Variants in PLK3 observed in about 807,000 individuals in gnomAD.
The protein encoded by PLK3 is serine/threonine-protein kinase PLK3.
Under a neutral mutation model 71.6 loss-of-function variants are expected in PLK3, and 41 were observed. The ratio of observed to expected loss-of-function variants is 0.57; its 90% CI spans 0.45 to 0.74. PLK3 has a LOEUF of 0.74. Among genes scored for constraint, PLK3 ranks in the 30% least tolerant of loss-of-function variants. The probability of loss-of-function intolerance (pLI) is 0.00; values close to 1 mark genes in which losing one functional copy is unlikely to be tolerated. For missense variants in PLK3, 791 were observed against 875.6 expected (o/e 0.90, Z 1.22); for synonymous variants, 366 against 355.4 (o/e 1.03, Z -0.33).
chr1:44,800,416 G>A lies in PLK3; in HGVS notation c.-48G>A. 3.2e-6 allele frequency: 4 copies of A among 1,268,936 alleles called. No individual in the cohort carries two copies. Among genetic ancestry groups the A allele is most frequent in the Non-Finnish European group, 4.0e-6 (4 of 1,010,306 alleles). 78.6% of individuals were successfully genotyped at this position (1,268,936 alleles called of 1,614,324 possible). A position where few individuals can be genotyped will look rare whatever the true frequency, so the allele number is the denominator to read the frequency against. On this transcript the variant is annotated 5_prime_UTR_variant, in exon 1 of 15. Coordinates refer to ENST00000372201, the MANE Select transcript of PLK3 (RefSeq NM_004073.4). The surrounding 1 kb of genome is among the most constrained non-coding windows in gnomAD (Gnocchi z 6.5). ...CCAGGCAGCGCCACGCGCGGCCGGG[G>A]CCGGGCGGAACCGAGAAGCCGGGAC... is the stretch of plus-strand genomic sequence containing the variant.
rs1651833513 is a variant in PLK3 at position 44,801,648 on chromosome 1, G to A, written c.462G>A (p.Arg154=). 6.2e-7 allele frequency: 1 copy of A among 1,613,660 alleles called. No individual in the cohort carries two copies. The highest frequency in any genetic ancestry group is 8.5e-7 in the Non-Finnish European group (1 of 1,179,892). Residue 154 remains arginine (R), a synonymous_variant, in exon 4 of 15, where the codon CGG becomes CGA. Transcript: ENST00000372201. The stretch of plus-strand genomic sequence containing the variant: ...CCCTGGCCCACATCTGGAAGGCCCG[G>A]CACACCCTGTTGGAGCCAGAAGTGC... ...RKSLAHIWKA[R]HTLLEPEVRY... is the part of the protein sequence containing the mutation.
In PLK3 at chr1:44,803,352, G is replaced by A; in HGVS notation, c.1033G>A (p.Ala345Thr). The change falls in exon 8 of 15, where the codon GCC (alanine) becomes ACC (threonine). Residue 345 changes from alanine to threonine, a missense_variant. Coordinates refer to ENST00000372201, the MANE Select transcript of PLK3 (RefSeq NM_004073.4). This position sits in a 1 kb window ranked among gnomAD's most constrained non-coding sequence, Gnocchi z 4.3. ...TPPNPARSLF[A>T]KVTKSLFGRK... ...CCCCAACCCAGCTAGGAGTCTGTTT[G>A]CCAAAGTTACCAAGAGCCTCTTTGG... is the stretch of plus-strand genomic sequence containing the variant. 1 of 1,614,132 alleles carries A rather than the reference G, an allele frequency of 6.2e-7. No homozygotes were observed. The highest frequency in any genetic ancestry group is 8.5e-7 in the Non-Finnish European group (1 of 1,180,016).
At position 44,804,414 on chromosome 1, in the gene PLK3, A is replaced by C. The variant is rs769621537; in HGVS notation, c.1418A>C (p.Lys473Thr). Residue 473 changes from lysine (K) to threonine (T), a missense_variant, in exon 12 of 15, where the codon AAG becomes ACG. Transcript: ENST00000372201. ...WVSKWVDYSN[K>T]FGFGYQLSSR... Reference sequence around the variant, plus strand: ...AGCAAGTGGGTTGACTACTCCAATAAGTTCGGCTTTGGGTATCAACTGTCC... The same window carrying C: ...AGCAAGTGGGTTGACTACTCCAATACGTTCGGCTTTGGGTATCAACTGTCC... 1.9e-6 allele frequency: 3 copies of C among 1,614,170 alleles called. No individual in the cohort carries two copies. The Admixed American group carries it at 5.0e-5, about 27-fold the overall frequency.
At position 44,803,987 on chromosome 1, in the gene PLK3, C is replaced by T. The variant is rs752424714; in HGVS notation, c.1221C>T (p.Asp407=). The change falls in exon 10 of 15, where the codon GAC becomes GAT. Residue 407 remains aspartate (D), a synonymous_variant. Transcript: ENST00000372201. This position sits in a 1 kb window ranked among gnomAD's most constrained non-coding sequence, Gnocchi z 4.3. ...PVSLVETAPE[D]SSPRGTLASS... is the part of the protein sequence containing the mutation. The stretch of plus-strand genomic sequence containing the variant: ...GCCTGGTAGAGACAGCACCTGAAGA[C>T]AGCTCACCCCGTGGGACACTGGCAA... 6.4e-7 allele frequency: 1 copy of T among 1,553,680 alleles called. No homozygotes were observed. Among genetic ancestry groups the T allele is most frequent in the Non-Finnish European group, 8.7e-7 (1 of 1,147,596 alleles).
rs1380332595 is a variant in PLK3, at chr1:44,804,242, C to T, written c.1338C>T (p.Pro446=). The T allele has an allele frequency of 1.2e-6, 2 of 1,613,724 alleles. No homozygotes were observed. Among genetic ancestry groups the T allele is most frequent in the South Asian group, 2.2e-5 (2 of 91,072 alleles). The change falls in exon 11 of 15, where the codon CCC becomes CCT. Residue 446 remains proline, a synonymous_variant. Coordinates refer to ENST00000372201, the MANE Select transcript of PLK3 (RefSeq NM_004073.4). The part of the protein sequence containing the change: ...CALRNCIAFM[P]PAEQNPAPLA... ...TGAGAAATTGTATAGCCTTCATGCCCCCAGGTAAGGGTGGGGTCTGGTACA... is the reference window on the plus strand; with the variant it reads ...TGAGAAATTGTATAGCCTTCATGCCTCCAGGTAAGGGTGGGGTCTGGTACA...
At position 44,800,789 on chromosome 1, in the gene PLK3, G is replaced by T. The variant is rs756870133; in HGVS notation, c.211-51G>T. 54 of 1,566,076 alleles carry T rather than the reference G, an allele frequency of 3.4e-5. No homozygotes were observed. Among genetic ancestry groups the T allele is most frequent in the Non-Finnish European group, 4.4e-5 (51 of 1,155,948 alleles). ...GACCCCCAACGCGGGGACGCCCGCGGGCCAGACTCGGCCCCCCTGGAACAA... is the reference window on the plus strand; with the variant it reads ...GACCCCCAACGCGGGGACGCCCGCGTGCCAGACTCGGCCCCCCTGGAACAA... On this transcript the variant is annotated intron_variant, in intron 1 of 14. Coordinates refer to ENST00000372201, the MANE Select transcript of PLK3 (RefSeq NM_004073.4). This position sits in a 1 kb window ranked among gnomAD's most constrained non-coding sequence, Gnocchi z 6.5.
Position 44,804,067 on chromosome 1 carries a change from G to C in PLK3, c.1258+43G>C, listed in dbSNP as rs749438441. The C allele has an allele frequency of 2.6e-5, 40 of 1,546,106 alleles. No homozygotes were observed. The South Asian group carries it at 4.5e-4, about 18-fold the overall frequency. ...ATGAGAGGTGATAGAGGTTGCTGGA[G>C]CTGAGATCAGGGGCGAGAGGGAAGG... On this transcript the variant is annotated intron_variant, in intron 10 of 14. Transcript: ENST00000372201.
At position 44,800,899 on chromosome 1, in the gene PLK3, CAA is replaced by C; in HGVS notation, c.272_273del (p.Lys91SerfsTer19). 1 of 1,612,324 alleles carries C rather than the reference CAA, an allele frequency of 6.2e-7. No homozygotes were observed. The highest frequency in any genetic ancestry group is 8.5e-7 in the Non-Finnish European group (1 of 1,179,916). ...DTETGSAYAV[K>X]VIPQSRVAKP... ...CAGAGACTGGCAGCGCCTACGCTGT[CAA>C]AGTCATCCCGCAGAGCCGCGTCGCC... On this transcript the variant is annotated frameshift_variant, in exon 2 of 15. Transcript: ENST00000372201. LOFTEE classifies it high-confidence loss of function. This position sits in a 1 kb window ranked among gnomAD's most constrained non-coding sequence, Gnocchi z 6.5.
chr1:44,803,418 G>C lies in PLK3; in HGVS notation c.1072+27G>C. ...TGAGTCTGGGGTGTCAGTGGGTTGA[G>C]GGGGCAGAGCAGTAGAGCGGCTTGT... On this transcript the variant is annotated intron_variant, in intron 8 of 14. Transcript: ENST00000372201. This position sits in a 1 kb window ranked among gnomAD's most constrained non-coding sequence, Gnocchi z 4.3. 6.2e-7 allele frequency: 1 copy of C among 1,613,698 alleles called. No individual in the cohort carries two copies.
Position 44,803,623 on chromosome 1 carries a change from G to C in PLK3, c.1096G>C (p.Asp366His), listed in dbSNP as rs1339669293. Residue 366 changes from aspartate (D) to histidine (H), a missense_variant, in exon 9 of 15, where the codon GAT becomes CAT. Coordinates refer to ENST00000372201, the MANE Select transcript of PLK3 (RefSeq NM_004073.4). The surrounding 1 kb of genome is among the most constrained non-coding windows in gnomAD (Gnocchi z 4.3). ...KKSKNHAQER[D>H]EVSGLVSGLM... ...AGGTAAGAATCATGCCCAGGAGAGGGATGAGGTCTCCGGTTTGGTGAGCGG... is the reference window on the plus strand; with the variant it reads ...AGGTAAGAATCATGCCCAGGAGAGGCATGAGGTCTCCGGTTTGGTGAGCGG... The C allele has an allele frequency of 2.5e-6, 4 of 1,613,862 alleles. No homozygotes were observed. Among genetic ancestry groups the C allele is most frequent in the East Asian group, 2.2e-5 (1 of 44,886 alleles).
rs374476487 is a variant in PLK3, at chr1:44,800,664, G to C, written c.201G>C (p.Leu67Phe). Reference protein sequence around the residue: ...RSGRTYLKGRLLGKGGFARCY... With the variant: ...RSGRTYLKGRFLGKGGFARCY... ...GCCGCACCTACCTCAAAGGCCGCTT[G>C]TTGGGCAAGGTGGGCCGAGGGACGT... The change falls in exon 1 of 15, where the codon TTG becomes TTC. Residue 67 changes from leucine (L) to phenylalanine (F), a missense_variant. Transcript: ENST00000372201. The surrounding 1 kb of genome is among the most constrained non-coding windows in gnomAD (Gnocchi z 6.5). 7 of 1,552,004 alleles carry C rather than the reference G, an allele frequency of 4.5e-6. No individual in the cohort carries two copies. The highest frequency in any genetic ancestry group is 5.2e-6 in the Non-Finnish European group (6 of 1,153,172).
chr1:44,803,845 TG>T lies in PLK3; in HGVS notation c.1165-83del. 1 of 1,201,666 alleles carries T rather than the reference TG, an allele frequency of 8.3e-7. No individual in the cohort carries two copies. Among genetic ancestry groups the T allele is most frequent in the Non-Finnish European group, 1.2e-6 (1 of 834,442 alleles). 74.4% of individuals were successfully genotyped at this position (1,201,666 alleles called of 1,614,324 possible). A position where few individuals can be genotyped will look rare whatever the true frequency, so the allele number is the denominator to read the frequency against. The stretch of plus-strand genomic sequence containing the variant: ...CTGGCGGGGCTGACCTGGGGTGCCC[TG>T]GGAGCCAGGGCAGGGCCAGGCCATG... On this transcript the variant is annotated intron_variant, in intron 9 of 14. Coordinates refer to ENST00000372201, the MANE Select transcript of PLK3 (RefSeq NM_004073.4). The surrounding 1 kb of genome is among the most constrained non-coding windows in gnomAD (Gnocchi z 4.3).
At position 44,801,018 on chromosome 1, in the gene PLK3, T is replaced by C. The variant is rs530732411; in HGVS notation, c.319-18T>C. 3.6e-5 allele frequency: 58 copies of C among 1,608,224 alleles called. 1 individual carries two copies. Among genetic ancestry groups the C allele is most frequent in the Admixed American group, 2.3e-4 (14 of 59,956 alleles). On this transcript the variant is annotated intron_variant, in intron 2 of 14. Coordinates refer to ENST00000372201, the MANE Select transcript of PLK3 (RefSeq NM_004073.4). Reference sequence around the variant, plus strand: ...ATGGGAACCATGGAAGGATGACGACTCCGCGCCCTCATCGCAGATCCTAAA... The same window carrying C: ...ATGGGAACCATGGAAGGATGACGACCCCGCGCCCTCATCGCAGATCCTAAA...
At chr1:44,801,188 G>C in intron 3 of PLK3, 36 bp downstream of exon 3, 1 of 1,023,816 alleles carries the variant, frequency 9.8e-7, no homozygotes, top group Admixed American at 2.0e-5. Context: ...ATGAGAGTGA[G>C]GGAGAGAAGA....
rs1233891862 is a variant in PLK3 at position 44,803,369 on chromosome 1, C to G, written c.1050C>G (p.Ser350Arg). The G allele has an allele frequency of 6.2e-7, 1 of 1,614,066 alleles. No individual in the cohort carries two copies. The highest frequency in any genetic ancestry group is 1.7e-5 in the Admixed American group (1 of 60,014). ...ARSLFAKVTK[S>R]LFGRKKKSKN... ...GTCTGTTTGCCAAAGTTACCAAGAG[C>G]CTCTTTGGCAGAAAGAAGAAGAGTG... The change falls in exon 8 of 15, where the codon AGC (serine) becomes AGG (arginine). Residue 350 changes from serine to arginine, a missense_variant. Ser to Arg is a moderately radical substitution (Grantham distance 110). Transcript: ENST00000372201. This position sits in a 1 kb window ranked among gnomAD's most constrained non-coding sequence, Gnocchi z 4.3.
intron 5 of PLK3, 73 bp downstream of exon 5, chr1:44,802,005 G>A: frequency 8.9e-7 from 1 of 1,129,606 alleles, no homozygotes; most frequent in Non-Finnish European, 1.3e-6. Context: ...ATGTATGTGG[G>A]AGGCAAGGTG....
Position 44,803,948 on chromosome 1 carries a change from C to T in PLK3, c.1182C>T (p.Gly394=), listed in dbSNP as rs1458406627. The T allele has an allele frequency of 6.4e-7, 1 of 1,551,154 alleles. No individual in the cohort carries two copies. The highest frequency in any genetic ancestry group is 2.0e-5 in the Admixed American group (1 of 51,022). ...DARPEAPAAS[G]PAPVSLVETA... ...CCCTCCAGGCTCCAGCAGCTTCTGG[C>T]CCAGCCCCTGTCAGCCTGGTAGAGA... Residue 394 remains glycine, a synonymous_variant, in exon 10 of 15, where the codon GGC becomes GGT. Transcript: ENST00000372201. This position sits in a 1 kb window ranked among gnomAD's most constrained non-coding sequence, Gnocchi z 4.3.
In PLK3 at chr1:44,805,961, C is replaced by T; in HGVS notation, c.*283C>T. The T allele has an allele frequency of 6.6e-7, 1 of 1,512,442 alleles. No individual in the cohort carries two copies. The highest frequency in any genetic ancestry group is 8.8e-7 in the Non-Finnish European group (1 of 1,130,324). The allele number at this position is 1,512,442 out of a possible 1,614,324, so 93.7% of individuals were successfully genotyped here. On this transcript the variant is annotated 3_prime_UTR_variant, in exon 15 of 15. Coordinates refer to ENST00000372201, the MANE Select transcript of PLK3 (RefSeq NM_004073.4). ...TGGGATGTGAGCCCCAGGGGGGCCT[C>T]CTCCTAGGATAATAAACAATTTTGC...
intron 3 of PLK3, 51 bp downstream of exon 3, chr1:44,801,203 C>CTTTTTTTTTT (rs34463102): frequency 8.7e-6 from 3 of 345,224 alleles, no homozygotes; most frequent in African/African-American, 7.2e-5. Flanking sequence ...AGAAGACAGT[C>CTTTTTTTTTT]TTTTTTTTTT....
Sources: allele counts gnomAD v4.1 joint callset, GRCh38; gene constraint gnomAD v4.1.1; non-coding constraint Gnocchi (gnomAD v3.1); transcripts MANE v1.5; gene names NCBI Gene and HGNC (gene_info 2026-07-23, HGNC 2026-07-21).